Variants in FLT3 observed in about 807,000 individuals in gnomAD.
The protein encoded by FLT3 is receptor-type tyrosine-protein kinase FLT3.
In FLT3, 46 loss-of-function variants were observed where a neutral mutation model predicts 126.6. The observed-to-expected ratio is 0.36, with a 90% CI of 0.29 to 0.46. The LOEUF (loss-of-function observed/expected upper bound fraction) is 0.46, where lower values mean the gene tolerates loss of function less well. FLT3 is among the 20% of genes least tolerant of loss of function. The pLI, the probability that FLT3 is intolerant of heterozygous loss-of-function variation, is 1.00. For synonymous variants in FLT3, 404 were observed against 434.4 expected (o/e 0.93, Z 0.87); for missense variants, 1,069 against 1,190.3 (o/e 0.90, Z 1.50).
intron 1 of FLT3, among the ~76,000 whole-genome samples, chr13:28,091,433 G>A (rs905232566): frequency 1.3e-5 from 2 of 150,200 alleles, no homozygotes; most frequent in Non-Finnish European, 3.0e-5. Flanking sequence ...GTGTTAGCCA[G>A]GATGGTCTCG....
Position 28,037,178 on chromosome 13 carries a change from AACTT to A in FLT3, c.1309+3_1309+6del. ...ATAAAAATCAAATTCTCGGCAATTT[AACTT>A]ACTTCTTATATTCAGCGTGAACATT... On this transcript the variant is annotated splice_donor_5th_base_variant and intron_variant, in intron 10 of 23. Coordinates refer to ENST00000241453, the MANE Select transcript of FLT3 (RefSeq NM_004119.3). The A allele has an allele frequency of 6.8e-7, 1 of 1,475,422 alleles. No homozygotes were observed. The highest frequency in any genetic ancestry group is 9.5e-7 in the Non-Finnish European group (1 of 1,056,666). 91.4% of individuals were successfully genotyped at this position (1,475,422 alleles called of 1,614,324 possible).
intron 1 of FLT3, among the ~76,000 whole-genome samples, chr13:28,075,384 G>A (rs542505611): frequency 2.2e-4 from 33 of 152,136 alleles, no homozygotes; most frequent in African/African-American, 7.0e-4. Flanking sequence ...ACAAAATATC[G>A]TATGTACCCC....
At chr13:28,052,710 T>TA in intron 4 of FLT3, 36 bp from the exon 5 acceptor site, 1 of 1,446,390 alleles carries the variant, frequency 6.9e-7, no homozygotes, top group Non-Finnish European at 9.6e-7. Context: ...TTTACTATTT[T>TA]AAAAATAATT....
At chr13:28,062,864 T>C (rs548302762) in intron 2 of FLT3, among the ~76,000 whole-genome samples, 7 of 152,148 alleles carry the variant, frequency 4.6e-5, no homozygotes, top group Admixed American at 3.3e-4. Context: ...TCTTGCTCAC[T>C]GCCCTTAGAA....
At chr13:28,013,543 T>C (rs1231284639) in intron 23 of FLT3, among the ~76,000 whole-genome samples, 1 of 152,264 alleles carries the variant, frequency 6.6e-6, no homozygotes, top group Non-Finnish European at 1.5e-5. Context: ...CATCTGGAGA[T>C]GGTTCTTTTC....
In FLT3 at chr13:28,024,874, T is replaced by G. The variant is rs1365252140; in HGVS notation, c.2277A>C (p.Ser759=). 32 of 1,604,522 alleles carry G rather than the reference T, an allele frequency of 2.0e-5. No individual in the cohort carries two copies. The highest frequency in any genetic ancestry group is 2.7e-5 in the Non-Finnish European group (32 of 1,173,158). The change falls in exon 18 of 24, where the codon TCA becomes TCC. Residue 759 remains serine (S), a synonymous_variant. Transcript: ENST00000241453. The part of the protein sequence containing the change: ...SDQISGLHGN[S]FHSEDEIEYE... The stretch of plus-strand genomic sequence containing the variant: ...ATAAAATATTACCTTCAGAGTGAAA[T>G]GAATTCCCATGAAGCCCTGAGATTT...
chr13:28,070,984 T>G lies in FLT3; in HGVS notation c.44-372A>C, dbSNP rs111952844. Reference sequence around the variant, plus strand: ...GTGTGCACTTTTTATTGTATATAGATTTCTACCTTTTTTTTTTTTTTTTTT... The same window carrying G: ...GTGTGCACTTTTTATTGTATATAGAGTTCTACCTTTTTTTTTTTTTTTTTT... On this transcript the variant is annotated intron_variant, in intron 1 of 23. Coordinates refer to ENST00000241453, the MANE Select transcript of FLT3 (RefSeq NM_004119.3). 2.9e-3 allele frequency among the ~76,000 whole-genome samples: 402 copies of G among 138,366 alleles called. 18 individuals are homozygous for G. In the East Asian group the frequency reaches 0.075, roughly 26 times the overall value. The allele number at this position is 138,366 out of a possible 152,430, so 90.8% of individuals were successfully genotyped here.
At chr13:28,027,740 G>C (rs1001734761) in intron 16 of FLT3, among the ~76,000 whole-genome samples, 2 of 152,224 alleles carry the variant, frequency 1.3e-5, no homozygotes, top group African/African-American at 2.4e-5. Flanking sequence ...GAGAAGATCA[G>C]AGGGCATGCC....
At chr13:28,031,937 AC>A (rs1295059599) in intron 15 of FLT3, among the ~76,000 whole-genome samples, 2 of 152,138 alleles carry the variant, frequency 1.3e-5, no homozygotes, top group African/African-American at 2.4e-5. Flanking sequence ...GGATACAGGA[AC>A]CTGCTTTGGA....
Position 28,049,384 on chromosome 13 carries a change from C to T in FLT3, c.1036G>A (p.Glu346Lys). The T allele has an allele frequency of 6.2e-7, 1 of 1,612,984 alleles. No individual in the cohort carries two copies. Among genetic ancestry groups the T allele is most frequent in the Non-Finnish European group, 8.5e-7 (1 of 1,179,542 alleles). The stretch of plus-strand genomic sequence containing the variant: ...AGATTGTGTGAGCAGCCTGCATTAC[C>T]TACGATGGTAACCAAAGCTGATTGA... Reference protein sequence around the residue: ...PSQSALVTIVEKGFINATNSS... With the variant: ...PSQSALVTIVKKGFINATNSS... The change falls in exon 8 of 24, where the codon GAA (glutamate) becomes AAA (lysine). Residue 346 changes from glutamate (E) to lysine (K), a missense_variant and splice_region_variant. Physicochemically the swap from Glu to Lys is moderately conservative, Grantham distance 56. Transcript: ENST00000241453.
intron 9 of FLT3, among the ~76,000 whole-genome samples, 157 bp from the exon 10 acceptor site, chr13:28,037,445 CAA>C (rs748111727): frequency 8.5e-5 from 13 of 152,192 alleles, no homozygotes; most frequent in Non-Finnish European, 1.8e-4. Flanking sequence ...CCTTGCTACT[CAA>C]AGTGTGGTCC....
chr13:28,048,239 C>T, intron 9 of FLT3, 36 bp downstream of exon 9: 1 of 1,545,256 alleles, frequency 6.5e-7, no homozygotes, highest in Non-Finnish European at 8.8e-7. Flanking sequence ...GAGAATTATG[C>T]TAAAAATGGT....
chr13:28,077,536 TC>T (rs1264117986), intron 1 of FLT3, among the ~76,000 whole-genome samples: 8 of 151,966 alleles, frequency 5.3e-5, no homozygotes, highest in African/African-American at 1.9e-4. Context: ...TTCAATTACC[TC>T]CCCCTGGGTC....
intron 23 of FLT3, among the ~76,000 whole-genome samples, chr13:28,007,445 T>C (rs1871007154): frequency 6.6e-6 from 1 of 151,820 alleles, no homozygotes. Context: ...TGGGGTCCCA[T>C]TATGTTGCCC....
chr13:28,098,029 G>A (rs1879576200), intron 1 of FLT3, among the ~76,000 whole-genome samples: 1 of 152,030 alleles, frequency 6.6e-6, no homozygotes, highest in African/African-American at 2.4e-5. Flanking sequence ...AGAAGTCTGG[G>A]CATGGCCGGG....
At chr13:28,053,334 C>T (rs1439240513) in intron 4 of FLT3, among the ~76,000 whole-genome samples, 2 of 150,064 alleles carry the variant, frequency 1.3e-5, no homozygotes, top group African/African-American at 5.0e-5. Context: ...GAAAGTTTCC[C>T]TATACTGAAT....
At chr13:28,007,036 C>T (rs1172906317) in intron 23 of FLT3, among the ~76,000 whole-genome samples, 2 of 152,120 alleles carry the variant, frequency 1.3e-5, no homozygotes, top group Non-Finnish European at 2.9e-5. Context: ...CCACCACCCT[C>T]AGCCACTGTT....
At chr13:28,014,372 G>C (rs1871648367) in intron 23 of FLT3, 80 bp downstream of exon 23, 2 of 1,050,136 alleles carry the variant, frequency 1.9e-6, no homozygotes, top group Non-Finnish European at 1.5e-6. Context: ...GGTACCTTTG[G>C]TTCACAGGAA....
chr13:28,088,067 T>A (rs959180843), intron 1 of FLT3, among the ~76,000 whole-genome samples: 7 of 152,216 alleles, frequency 4.6e-5, no homozygotes, highest in African/African-American at 1.4e-4. Flanking sequence ...TAACTGGGTG[T>A]CAGACATTGT....
Sources: gnomAD v4.1 joint callset for allele counts (sites outside exome capture counted in the v4.1 genomes callset) on GRCh38, gnomAD v4.1.1 for gene constraint, MANE v1.5 for transcripts, NCBI Gene and HGNC (gene_info 2026-07-23, HGNC 2026-07-21) for gene names.